The following DENND2B variants were observed in gnomAD, a reference collection of about 807,000 sequenced individuals.
The protein encoded by DENND2B is DENN domain-containing protein 2B.
Under a neutral mutation model 116.0 loss-of-function variants are expected in DENND2B, and 32 were observed. That is an observed-to-expected ratio of 0.28 (90% CI 0.21 to 0.37). The LOEUF is 0.37. Ranked by LOEUF, DENND2B falls within the 10% of genes least tolerant of loss-of-function variation. The pLI, the probability that DENND2B is intolerant of heterozygous loss-of-function variation, is 1.00. For synonymous variants in DENND2B, 588 were observed against 583.9 expected (o/e 1.01, Z -0.10); for missense variants, 1,276 against 1,477.7 (o/e 0.86, Z 2.24).
At chr11:8,836,413 CTT>C (rs67181023) in intron 4 of DENND2B, among the ~76,000 whole-genome samples, 2,310 of 77,450 alleles carry the variant, frequency 0.03, 42 homozygotes, top group African/African-American at 0.089. Flanking sequence ...TTCTGTACTT[CTT>C]TTTTTTTTTT....
intron 1 of DENND2B, among the ~76,000 whole-genome samples, chr11:8,910,090 T>A (rs984271703): frequency 6.6e-6 from 1 of 151,528 alleles, no homozygotes; most frequent in African/African-American, 2.4e-5. Flanking sequence ...AAAGATGGAG[T>A]CAGACCCCAA....
At chr11:8,768,879 T>C (rs183094217) in intron 1 of DENND2B, 1 of 152,366 alleles carries the variant, frequency 6.6e-6, no homozygotes, top group East Asian at 1.9e-4. Context: ...CAATTAGGCA[T>C]TTTTGAGGGA....
chr11:8,722,867 C>G (rs1487143619), intron 4 of DENND2B, among the ~76,000 whole-genome samples: 1 of 152,180 alleles, frequency 6.6e-6, no homozygotes, highest in Non-Finnish European at 1.5e-5. Flanking sequence ...GCATCCTCCC[C>G]CTCTCTTCTT....
At chr11:8,870,390 A>G (rs2063735471) in intron 2 of DENND2B, among the ~76,000 whole-genome samples, 1 of 152,224 alleles carries the variant, frequency 6.6e-6, no homozygotes, top group Non-Finnish European at 1.5e-5. Flanking sequence ...GCGTGTCTGC[A>G]CAAGGGCAAA....
At chr11:8,851,149 T>C (rs1364985152) in intron 3 of DENND2B, among the ~76,000 whole-genome samples, 2 of 152,258 alleles carry the variant, frequency 1.3e-5, no homozygotes, top group South Asian at 2.1e-4. Context: ...ATACATCACA[T>C]ACTTGAAAAT....
intron 18 of DENND2B, chr11:8,695,753 G>A: frequency 1.7e-6 from 1 of 578,586 alleles, no homozygotes; most frequent in East Asian, 2.9e-5. Context: ...GTTTGCTGCT[G>A]CCACCCTGCC....
intron 1 of DENND2B, among the ~76,000 whole-genome samples, chr11:8,775,423 G>A (rs1042327679): frequency 6.6e-6 from 1 of 152,182 alleles, no homozygotes; most frequent in Non-Finnish European, 1.5e-5. Flanking sequence ...AAAAGCCCTG[G>A]GAGAGAGGCA....
chr11:8,903,474 T>TAAAA (rs35974143), intron 1 of DENND2B, among the ~76,000 whole-genome samples: 13 of 116,266 alleles, frequency 1.1e-4, no homozygotes, highest in Non-Finnish European at 1.7e-4. Context: ...ACCAAGATGT[T>TAAAA]AAAAAAAAAA....
At chr11:8,715,493 G>C in intron 6 of DENND2B, 110 bp downstream of exon 6, 1 of 1,094,832 alleles carries the variant, frequency 9.1e-7, no homozygotes, top group Non-Finnish European at 1.3e-6. Flanking sequence ...AAAGGGAATC[G>C]AGGAAGCAGT....
chr11:8,827,863 G>C (rs2062038597), intron 4 of DENND2B, among the ~76,000 whole-genome samples: 1 of 152,174 alleles, frequency 6.6e-6, no homozygotes, highest in African/African-American at 2.4e-5. Context: ...GAATGGGATA[G>C]ACTTTCCAAA....
chr11:8,788,427 T>G (rs989048634), intron 1 of DENND2B, among the ~76,000 whole-genome samples: 2 of 152,182 alleles, frequency 1.3e-5, no homozygotes, highest in Non-Finnish European at 2.9e-5. Flanking sequence ...CAGAGCACAA[T>G]ACATTTAAAA....
Position 8,730,882 on chromosome 11 carries a change from C to G in DENND2B, c.408G>C (p.Gln136His). 6.2e-7 allele frequency: 1 copy of G among 1,613,884 alleles called. No individual in the cohort carries two copies. Among genetic ancestry groups the G allele is most frequent in the Non-Finnish European group, 8.5e-7 (1 of 1,180,040 alleles). ...CTGCTGGCCCCGGGAATGGCGTGCT[C>G]TGGGCAAGGGGGAGGCAGGCAGCGA... ...AGVAACLPLA[Q>H]STPFPGPAAG... Residue 136 changes from glutamine (Q) to histidine (H), a missense_variant, in exon 3 of 20, where the codon CAG becomes CAC. Coordinates refer to ENST00000313726, the MANE Select transcript of DENND2B (RefSeq NM_213618.2). The surrounding 1 kb of genome is among the most constrained non-coding windows in gnomAD (Gnocchi z 4.1).
intron 2 of DENND2B, among the ~76,000 whole-genome samples, chr11:8,863,501 G>A (rs1313408055): frequency 1.3e-5 from 2 of 152,034 alleles, no homozygotes; most frequent in Non-Finnish European, 2.9e-5. Context: ...CTAAAGTGCT[G>A]GGATTACAGG....
intron 1 of DENND2B, among the ~76,000 whole-genome samples, chr11:8,760,882 C>T (rs75632991): frequency 0.015 from 2,225 of 152,190 alleles, 28 homozygotes; most frequent in Middle Eastern, 0.071. Context: ...TACAGGCCCC[C>T]GTGAGGCTGA....
At chr11:8,907,350 T>G (rs1273651747) in intron 1 of DENND2B, among the ~76,000 whole-genome samples, 1 of 152,226 alleles carries the variant, frequency 6.6e-6, no homozygotes. Context: ...GGGCTATATT[T>G]GATCCACAAG....
At chr11:8,824,355 C>G (rs2061887835) in intron 4 of DENND2B, among the ~76,000 whole-genome samples, 1 of 152,020 alleles carries the variant, frequency 6.6e-6, no homozygotes, top group Non-Finnish European at 1.5e-5. Context: ...TCCTCCCACC[C>G]TTCACCCTCA....
chr11:8,730,186 G>A lies in DENND2B; in HGVS notation c.1104C>T (p.Ser368=), dbSNP rs1487453465. The A allele has an allele frequency of 9.9e-6, 16 of 1,613,840 alleles. No homozygotes were observed. In the Admixed American group the frequency reaches 1.8e-4, roughly 18 times the overall value. The change falls in exon 3 of 20, where the codon AGC becomes AGT. Residue 368 remains serine, a synonymous_variant. Transcript: ENST00000313726. The surrounding 1 kb of genome is among the most constrained non-coding windows in gnomAD (Gnocchi z 4.1). ...GSTKPGTPGN[S]PSSQRLPSKS... is the part of the protein sequence containing the mutation. Reference sequence around the variant, plus strand: ...TCGATGGCAGCCGCTGGGAGCTAGGGCTATTTCCAGGGGTCCCGGGCTTAG... The same window carrying A: ...TCGATGGCAGCCGCTGGGAGCTAGGACTATTTCCAGGGGTCCCGGGCTTAG...
chr11:8,854,761 G>A (rs1281534839), intron 3 of DENND2B, among the ~76,000 whole-genome samples: 1 of 151,804 alleles, frequency 6.6e-6, no homozygotes, highest in Non-Finnish European at 1.5e-5. Flanking sequence ...CACCCAGGCT[G>A]GAGTGCAAAG....
At chr11:8,740,894 G>A (rs909955288) in intron 2 of DENND2B, among the ~76,000 whole-genome samples, 8 of 152,170 alleles carry the variant, frequency 5.3e-5, no homozygotes, top group African/African-American at 1.9e-4. Flanking sequence ...TGAGCGTGGA[G>A]GAGAAAAAGG....
Sources: allele counts gnomAD v4.1 joint callset (sites outside exome capture counted in the v4.1 genomes callset), GRCh38; gene constraint gnomAD v4.1.1; non-coding constraint Gnocchi (gnomAD v3.1); transcripts MANE v1.5; gene names NCBI Gene and HGNC (gene_info 2026-07-23, HGNC 2026-07-21).